PPP2R5B: variants seen among roughly 807,000 people sequenced by gnomAD.
PPP2R5B encodes serine/threonine-protein phosphatase 2A 56 kDa regulatory subunit beta isoform.
Under a neutral mutation model 59.9 loss-of-function variants are expected in PPP2R5B, and 19 were observed. That is an observed-to-expected ratio of 0.32 (90% CI 0.22 to 0.47). PPP2R5B has a LOEUF of 0.47. Ranked by LOEUF, PPP2R5B falls within the 20% of genes least tolerant of loss-of-function variation. PPP2R5B has a pLI of 1.00. For synonymous variants in PPP2R5B, 286 were observed against 260.5 expected (o/e 1.10, Z -0.94); for missense variants, 441 against 640.2 (o/e 0.69, Z 3.36).
intron 6 of PPP2R5B, among the ~76,000 whole-genome samples, chr11:64,928,636 G>C (rs2136683984): frequency 6.6e-6 from 1 of 152,360 alleles, no homozygotes; most frequent in South Asian, 2.1e-4. Context: ...CATTAGCCAG[G>C]CATGGTGGTG....
chr11:64,926,002 G>A (rs1011965448), intron 2 of PPP2R5B, 69 bp downstream of exon 2: 2 of 1,465,048 alleles, frequency 1.4e-6, no homozygotes, highest in South Asian at 2.5e-5. Flanking sequence ...GGGGAGGGGT[G>A]GGAGGCAGCG....
Position 64,925,929 on chromosome 11 carries a change from C to A in PPP2R5B, c.195C>A (p.Leu65=). The part of the protein sequence containing the change: ...NQQELTPLPL[L]KDVPASELHE... ...AAGAGCTCACACCGCTGCCCCTGCT[C>A]AAAGGTGAGCTGGCTGCTGGCCACT... The change falls in exon 2 of 14, where the codon CTC becomes CTA. Residue 65 remains leucine, a synonymous_variant. Transcript: ENST00000164133. The surrounding 1 kb of genome is among the most constrained non-coding windows in gnomAD (Gnocchi z 4.6). The A allele has an allele frequency of 6.2e-7, 1 of 1,610,898 alleles. No homozygotes were observed. Among genetic ancestry groups the A allele is most frequent in the South Asian group, 1.1e-5 (1 of 90,832 alleles).
chr11:64,928,260 G>T lies in PPP2R5B; in HGVS notation c.592-35G>T, dbSNP rs1945189856. ...GCAACCTGGGGTGGACCTTTCCCCT[G>T]ACCCTGACCCTGACCCTGACTCTGG... On this transcript the variant is annotated intron_variant, in intron 5 of 13. Transcript: ENST00000164133. The T allele has an allele frequency of 1.9e-6, 3 of 1,599,514 alleles. No homozygotes were observed. The South Asian group carries it at 3.3e-5, about 18-fold the overall frequency.
At chr11:64,921,416 G>C (rs911517986), upstream of PPP2R5B, among the ~76,000 whole-genome samples, 1 of 152,170 alleles carries the variant, frequency 6.6e-6, no homozygotes, top group Non-Finnish European at 1.5e-5. Context: ...GCCCAGGCCG[G>C]GGGGCATCCT....
In PPP2R5B at chr11:64,930,607, C is replaced by T. The variant is rs1945218868; in HGVS notation, c.891+18C>T. The T allele has an allele frequency of 3.7e-6, 6 of 1,602,800 alleles. No individual in the cohort carries two copies. The highest frequency in any genetic ancestry group is 5.1e-6 in the Non-Finnish European group (6 of 1,169,912). On this transcript the variant is annotated intron_variant, in intron 8 of 13. Transcript: ENST00000164133. Reference sequence around the variant, plus strand: ...ATGCCCAGGTGAGGCCCAGGCCTGTCCCTGCTGCAGCAGGAGCTCCAGACA... The same window carrying T: ...ATGCCCAGGTGAGGCCCAGGCCTGTTCCTGCTGCAGCAGGAGCTCCAGACA...
At chr11:64,920,149 C>T (rs945493000), upstream of PPP2R5B, among the ~76,000 whole-genome samples, 1 of 152,140 alleles carries the variant, frequency 6.6e-6, no homozygotes, top group East Asian at 1.9e-4. Flanking sequence ...AAAAACACCA[C>T]TTCTCCTCCT....
intron 6 of PPP2R5B, among the ~76,000 whole-genome samples, chr11:64,929,683 G>A (rs562273554): frequency 3.0e-4 from 45 of 152,276 alleles, no homozygotes; most frequent in African/African-American, 1.0e-3. Flanking sequence ...CCAAGATTGC[G>A]CCACTGCACT....
chr11:64,931,956 T>C lies in PPP2R5B; in HGVS notation c.1116+88T>C. ...TAATAAAGCTCCCTTTGCCCTCAGTTTCTCCTCCAATCCCGGGTCTGGTAA... is the reference window on the plus strand; with the variant it reads ...TAATAAAGCTCCCTTTGCCCTCAGTCTCTCCTCCAATCCCGGGTCTGGTAA... On this transcript the variant is annotated intron_variant, in intron 11 of 13. Transcript: ENST00000164133. This position sits in a 1 kb window ranked among gnomAD's most constrained non-coding sequence, Gnocchi z 5.0. 1 of 1,540,590 alleles carries C rather than the reference T, an allele frequency of 6.5e-7. No individual in the cohort carries two copies. Among genetic ancestry groups the C allele is most frequent in the East Asian group, 2.3e-5 (1 of 44,330 alleles).
rs2136676539 is a variant in PPP2R5B, at chr11:64,924,707, T to TGGGCGGC, written c.-582_-576dup. ...GTGACTTGATGTCATCCTGAGCAGCTGGGCGGCGGGTGCCGGTGCGCACGG... is the reference window on the plus strand; with the variant it reads ...GTGACTTGATGTCATCCTGAGCAGCTGGGCGGCGGGCGGCGGGTGCCGGTGCGCACGG... On this transcript the variant is annotated 5_prime_UTR_variant, in exon 1 of 14. Transcript: ENST00000164133. 1 of 152,320 alleles carries TGGGCGGC rather than the reference T, an allele frequency of 6.6e-6. No homozygotes were observed. Among genetic ancestry groups the TGGGCGGC allele is most frequent in the African/African-American group, 2.4e-5 (1 of 41,556 alleles). The allele number at this position is 152,320 out of a possible 1,614,324, so 9.4% of individuals were successfully genotyped here.
At chr11:64,917,958 A>C (rs1242052498) in intron 1 of PPP2R5B, among the ~76,000 whole-genome samples, 2 of 152,176 alleles carry the variant, frequency 1.3e-5, no homozygotes, top group Non-Finnish European at 2.9e-5. Flanking sequence ...CTAGTCCTAA[A>C]ATCAAAGAAT....
chr11:64,933,752 C>T lies in PPP2R5B; in HGVS notation c.1402C>T (p.Arg468Trp), dbSNP rs767095459. ...GTTATGGCAAGGTCTGGAGGAGCTGCGGCTACGCCGGCTACAGGGGACCCA... is the reference window on the plus strand; with the variant it reads ...GTTATGGCAAGGTCTGGAGGAGCTGTGGCTACGCCGGCTACAGGGGACCCA... ...QELWQGLEEL[R>W]LRRLQGTQGA... The change falls in exon 14 of 14, where the codon CGG (arginine) becomes TGG (tryptophan). Residue 468 changes from arginine (R) to tryptophan (W), a missense_variant. Physicochemically the swap from Arg to Trp is moderately radical, Grantham distance 101. Coordinates refer to ENST00000164133, the MANE Select transcript of PPP2R5B (RefSeq NM_006244.4). 3.7e-5 allele frequency: 58 copies of T among 1,555,774 alleles called. No individual in the cohort carries two copies. Among genetic ancestry groups the T allele is most frequent in the Middle Eastern group, 1.7e-4 (1 of 5,998 alleles).
At chr11:64,932,643 C>A (rs1328449300) in intron 11 of PPP2R5B, 122 bp from the exon 12 acceptor site, 3 of 1,238,590 alleles carry the variant, frequency 2.4e-6, no homozygotes, top group African/African-American at 3.0e-5. Context: ...CTCAGATAAG[C>A]CCTGAAGGTG....
chr11:64,918,868 G>A (rs1376788675), intron 1 of PPP2R5B, among the ~76,000 whole-genome samples: 2 of 152,184 alleles, frequency 1.3e-5, no homozygotes, highest in African/African-American at 4.8e-5. Context: ...AAGGGCAACC[G>A]CCCTGGCCCA....
In PPP2R5B at chr11:64,925,772, G is replaced by GCCCCCCC; in HGVS notation, c.42_43insCCCCCCC (p.Ser15ProfsTer77). ...CTGCCCCCTGCAAGCACCCCCACTA[G>GCCCCCCC]CCCCTCCTCCCCCGGGCTGTCGCCT... On this transcript the variant is annotated frameshift_variant, in exon 2 of 14. Coordinates refer to ENST00000164133, the MANE Select transcript of PPP2R5B (RefSeq NM_006244.4). LOFTEE classifies it high-confidence loss of function. This position sits in a 1 kb window ranked among gnomAD's most constrained non-coding sequence, Gnocchi z 4.6. 1 of 1,561,008 alleles carries GCCCCCCC rather than the reference G, an allele frequency of 6.4e-7. No individual in the cohort carries two copies. Among genetic ancestry groups the GCCCCCCC allele is most frequent in the South Asian group, 1.1e-5 (1 of 88,442 alleles).
chr11:64,930,902 C>T (rs1284561159), intron 8 of PPP2R5B, among the ~76,000 whole-genome samples: 1 of 151,772 alleles, frequency 6.6e-6, no homozygotes, highest in African/African-American at 2.4e-5. Context: ...GAGACAAAAC[C>T]GTACTCTGTT....
In PPP2R5B at chr11:64,925,661, A is replaced by G; in HGVS notation, c.-74A>G. On this transcript the variant is annotated 5_prime_UTR_variant, in exon 2 of 14. Coordinates refer to ENST00000164133, the MANE Select transcript of PPP2R5B (RefSeq NM_006244.4). The surrounding 1 kb of genome is among the most constrained non-coding windows in gnomAD (Gnocchi z 4.6). ...AGGATGGGACCAAGTTAGTCTGTCCAGTCTCACCCAGCACCTCCCAGGCCC... is the reference window on the plus strand; with the variant it reads ...AGGATGGGACCAAGTTAGTCTGTCCGGTCTCACCCAGCACCTCCCAGGCCC... 1.6e-6 allele frequency: 1 copy of G among 606,868 alleles called. No individual in the cohort carries two copies. The highest frequency in any genetic ancestry group is 2.7e-6 in the Non-Finnish European group (1 of 366,424). 37.6% of individuals were successfully genotyped at this position (606,868 alleles called of 1,614,324 possible). A position where few individuals can be genotyped will look rare whatever the true frequency, so the allele number is the denominator to read the frequency against.
chr11:64,925,752 C>A lies in PPP2R5B; in HGVS notation c.18C>A (p.Pro6=). ...TGACCGCCATGGAGACGAAGCTGCC[C>A]CCTGCAAGCACCCCCACTAGCCCCT... METKL[P]PASTPTSPSS... The change falls in exon 2 of 14, where the codon CCC becomes CCA. Residue 6 remains proline (P), a synonymous_variant. Transcript: ENST00000164133. The surrounding 1 kb of genome is among the most constrained non-coding windows in gnomAD (Gnocchi z 4.6). The A allele has an allele frequency of 1.9e-6, 3 of 1,593,754 alleles. No individual in the cohort carries two copies. The highest frequency in any genetic ancestry group is 2.3e-5 in the East Asian group (1 of 44,180).
intron 11 of PPP2R5B, 67 bp from the exon 12 acceptor site, chr11:64,932,698 A>G: frequency 1.3e-6 from 2 of 1,578,558 alleles, no homozygotes; most frequent in Non-Finnish European, 1.7e-6. Context: ...GTAGTGATGG[A>G]CACCAGACCT....
Position 64,928,202 on chromosome 11 carries a change from C to T in PPP2R5B, c.591+44C>T. ...GCTGGGTGGTACCACAAGGCAGGGG[C>T]AGGCTCTCTGAGGGGCCAGGGATAG... On this transcript the variant is annotated intron_variant, in intron 5 of 13. Transcript: ENST00000164133. The T allele has an allele frequency of 4.3e-6, 7 of 1,613,246 alleles. No individual in the cohort carries two copies. The South Asian group carries it at 6.6e-5, about 15-fold the overall frequency.
Sources: gnomAD v4.1 joint callset for allele counts (sites outside exome capture counted in the v4.1 genomes callset) on GRCh38, gnomAD v4.1.1 for gene constraint, Gnocchi (gnomAD v3.1) non-coding constraint, MANE v1.5 for transcripts, NCBI Gene and HGNC (gene_info 2026-07-23, HGNC 2026-07-21) for gene names.